Variants in NBAS observed in about 807,000 individuals in gnomAD.
NBAS encodes the protein NAG/BC035112 fusion.
NBAS carries 219 observed loss-of-function variants against 302.5 expected under a neutral mutation model. That is an observed-to-expected ratio of 0.72 (90% confidence interval 0.65 to 0.81). The LOEUF (loss-of-function observed/expected upper bound fraction) is 0.81. Ranked by LOEUF, NBAS falls within the 30% of genes least tolerant of loss-of-function variation. NBAS has a pLI of 0.00. For synonymous variants in NBAS, 1,118 were observed against 1,021.6 expected (o/e 1.09, Z -1.80); for missense variants, 2,932 against 2,841.6 (o/e 1.03, Z -0.72).
At chr2:15,446,238 A>T (rs1678736013) in intron 21 of NBAS, among the ~76,000 whole-genome samples, 1 of 152,182 alleles carries the variant, frequency 6.6e-6, no homozygotes, top group Non-Finnish European at 1.5e-5. Flanking sequence ...TCAAAGAAGA[A>T]CACACCAAGG....
At chr2:14,807,547 T>C in the NBAS span, among the ~76,000 whole-genome samples, 24 of 152,124 alleles carry the variant, frequency 1.6e-4, no homozygotes, top group African/African-American at 5.6e-4. Context: ...ACATAGGCAG[T>C]TTTGTTTATC....
At chr2:14,819,912 G>A in the NBAS span, among the ~76,000 whole-genome samples, 9 of 152,212 alleles carry the variant, frequency 5.9e-5, no homozygotes, top group Non-Finnish European at 8.8e-5. Flanking sequence ...ATATGAAAAG[G>A]TCCTCAACAT....
the NBAS span, among the ~76,000 whole-genome samples, chr2:15,134,472 G>GTC: frequency 2.0e-5 from 3 of 151,730 alleles, no homozygotes; most frequent in South Asian, 2.1e-4. Context: ...TTCTCTCTCT[G>GTC]TCTCTCTCTC....
chr2:15,214,301 C>T (rs1666556003), intron 48 of NBAS, among the ~76,000 whole-genome samples: 1 of 152,028 alleles, frequency 6.6e-6, no homozygotes, highest in African/African-American at 2.4e-5. Context: ...AATAAATAGA[C>T]AAACATAAGG....
chr2:15,362,153 TCCAAGGCAAG>T (rs1673961670), intron 32 of NBAS, among the ~76,000 whole-genome samples: 1 of 151,434 alleles, frequency 6.6e-6, no homozygotes, highest in Non-Finnish European at 1.5e-5. Context: ...TTAAATAAAA[TCCAAGGCAAG>T]TATTGGCCCA....
the NBAS span, among the ~76,000 whole-genome samples, chr2:14,870,379 C>T: frequency 1.3e-5 from 2 of 152,150 alleles, no homozygotes; most frequent in South Asian, 4.2e-4. Flanking sequence ...CTACCAAGTG[C>T]AGAGAAAAGT....
the NBAS span, among the ~76,000 whole-genome samples, chr2:14,866,053 G>C: frequency 6.6e-6 from 1 of 152,082 alleles, no homozygotes; most frequent in East Asian, 1.9e-4. Flanking sequence ...CACTACATGA[G>C]AGGTGGGATG....
chr2:15,090,050 G>T, the NBAS span, among the ~76,000 whole-genome samples: 66,097 of 151,928 alleles, frequency 0.44, 15,099 homozygotes, highest in Non-Finnish European at 0.5. Context: ...GCCCGGCCTG[G>T]TCAAGGTTTT....
chr2:15,033,406 G>T, the NBAS span, among the ~76,000 whole-genome samples: 1 of 86,500 alleles, frequency 1.2e-5, no homozygotes, highest in African/African-American at 3.1e-5. Context: ...ATTTAAATAA[G>T]ACTTCAAACT....
At chr2:14,948,293 C>G in the NBAS span, among the ~76,000 whole-genome samples, 1 of 151,862 alleles carries the variant, frequency 6.6e-6, no homozygotes, top group Admixed American at 6.6e-5. Context: ...TTAGTTATTC[C>G]TTAAATGTTT....
chr2:15,168,129 A>G (rs897408121), intron 51 of NBAS, among the ~76,000 whole-genome samples: 1 of 152,222 alleles, frequency 6.6e-6, no homozygotes, highest in Non-Finnish European at 1.5e-5. Flanking sequence ...TATTATCAAA[A>G]TTCGGAGCTT....
intron 48 of NBAS, among the ~76,000 whole-genome samples, chr2:15,196,052 C>T (rs1665604232): frequency 1.3e-5 from 2 of 152,284 alleles, no homozygotes; most frequent in African/African-American, 2.4e-5. Context: ...GCCTGCTTGG[C>T]CTTCTTCCAA....
chr2:15,048,167 A>G, the NBAS span, among the ~76,000 whole-genome samples: 3 of 152,214 alleles, frequency 2.0e-5, no homozygotes, highest in African/African-American at 7.2e-5. Context: ...CCCTAGAGGC[A>G]GGGAGAGGAA....
chr2:14,844,200 G>A, the NBAS span, among the ~76,000 whole-genome samples: 2 of 152,128 alleles, frequency 1.3e-5, no homozygotes, highest in Non-Finnish European at 2.9e-5. Context: ...ATGCATCTTG[G>A]AAACCAGCTC....
At chr2:14,861,883 T>G in the NBAS span, among the ~76,000 whole-genome samples, 1 of 152,206 alleles carries the variant, frequency 6.6e-6, no homozygotes, top group Non-Finnish European at 1.5e-5. Flanking sequence ...CATTTATTGC[T>G]CTTTATGTCC....
chr2:15,031,883 G>C, the NBAS span, among the ~76,000 whole-genome samples: 2 of 152,178 alleles, frequency 1.3e-5, no homozygotes, highest in Non-Finnish European at 2.9e-5. Flanking sequence ...TGCCAGGGAG[G>C]GCCTCCTGAA....
At chr2:15,558,358 CAA>C (rs1316560984) in intron 2 of NBAS, among the ~76,000 whole-genome samples, 6 of 152,172 alleles carry the variant, frequency 3.9e-5, no homozygotes, top group Admixed American at 1.3e-4. Flanking sequence ...ATGGTTAAAC[CAA>C]AGCTATATAC....
chr2:15,086,793 T>C, the NBAS span, among the ~76,000 whole-genome samples: 2 of 152,178 alleles, frequency 1.3e-5, no homozygotes, highest in Non-Finnish European at 1.5e-5. Flanking sequence ...ACCCCAAAGA[T>C]CCTGTAACAA....
At chr2:15,523,072 A>G (rs1003169589) in intron 9 of NBAS, among the ~76,000 whole-genome samples, 2 of 152,156 alleles carry the variant, frequency 1.3e-5, no homozygotes, top group African/African-American at 4.8e-5. Flanking sequence ...GAGCAATTCA[A>G]CTTTTTCTTG....
Sources: gnomAD v4.1 joint callset for allele counts (sites outside exome capture counted in the v4.1 genomes callset) on GRCh38, gnomAD v4.1.1 for gene constraint, MANE v1.5 for transcripts, NCBI Gene and HGNC (gene_info 2026-07-23, HGNC 2026-07-21) for gene names.